Variants in PPP1R12B observed in about 807,000 individuals in gnomAD.
The protein encoded by PPP1R12B is myosin phosphatase target subunit 2.
PPP1R12B carries 76 observed loss-of-function variants against 126.1 expected under a neutral mutation model. The ratio of observed to expected loss-of-function variants is 0.60; its 90% CI spans 0.50 to 0.73. PPP1R12B has a LOEUF of 0.73. Ranked by LOEUF, PPP1R12B falls within the 30% of genes least tolerant of loss-of-function variation. The probability of loss-of-function intolerance (pLI) is 0.00; values close to 1 mark genes in which losing one functional copy is unlikely to be tolerated. For synonymous variants in PPP1R12B, 356 were observed against 434.7 expected (o/e 0.82, Z 2.25); for missense variants, 1,052 against 1,205.1 (o/e 0.87, Z 1.88).
At chr1:202,577,388 C>T (rs1689185264) in intron 23 of PPP1R12B, 1 of 152,172 alleles carries the variant, frequency 6.6e-6, no homozygotes, top group South Asian at 2.1e-4. Context: ...ATTGTTATGT[C>T]TATGGGTGCT....
chr1:202,565,399 A>T lies in PPP1R12B; in HGVS notation c.2757+852A>T, dbSNP rs1488045342. On this transcript the variant is annotated intron_variant, in intron 21 of 23. Coordinates refer to ENST00000608999, the MANE Select transcript of PPP1R12B (RefSeq NM_002481.4). The surrounding 1 kb of genome is among the most constrained non-coding windows in gnomAD (Gnocchi z 4.3). Reference sequence around the variant, plus strand: ...CTTGAAATGAAAACCAGAGGTGGCTAGTCATTCTGGCAATATGACTGGCTA... The same window carrying T: ...CTTGAAATGAAAACCAGAGGTGGCTTGTCATTCTGGCAATATGACTGGCTA... 6.6e-6 allele frequency among the ~76,000 whole-genome samples: 1 copy of T among 152,242 alleles called. No individual in the cohort carries two copies. Among genetic ancestry groups the T allele is most frequent in the Non-Finnish European group, 1.5e-5 (1 of 68,040 alleles).
chr1:202,440,380 G>A (rs1389076103), intron 10 of PPP1R12B, among the ~76,000 whole-genome samples: 1 of 152,204 alleles, frequency 6.6e-6, no homozygotes, highest in East Asian at 1.9e-4. Context: ...GAATATTAGA[G>A]TGGAGCTTTC....
intron 18 of PPP1R12B, among the ~76,000 whole-genome samples, chr1:202,541,920 A>T (rs193290700): frequency 6.6e-6 from 1 of 152,202 alleles, no homozygotes; most frequent in Non-Finnish European, 1.5e-5. Flanking sequence ...GCTTAATAAG[A>T]GACTGCTTCC....
At chr1:202,536,567 C>A (rs193006072) in intron 18 of PPP1R12B, among the ~76,000 whole-genome samples, 153 of 152,284 alleles carry the variant, frequency 1.0e-3, no homozygotes, top group African/African-American at 3.4e-3. Flanking sequence ...ACTATTAACA[C>A]TGTGCACTTA....
Position 202,348,946 on chromosome 1 carries a change from A to T in PPP1R12B, c.95A>T (p.Glu32Val). ...QLRRWRGSLT[E>V]QEPAERRGAG... ...CGGCGCTGGCGGGGCTCGCTGACAG[A>T]GCAGGAGCCTGCGGAGCGACGAGGC... The change falls in exon 1 of 24, where the codon GAG (glutamate) becomes GTG (valine). Residue 32 changes from glutamate to valine, a missense_variant. By Grantham distance (121) the Glu-to-Val change is moderately radical. Coordinates refer to ENST00000608999, the MANE Select transcript of PPP1R12B (RefSeq NM_002481.4). 2 of 1,603,926 alleles carry T rather than the reference A, an allele frequency of 1.2e-6. No individual in the cohort carries two copies. The highest frequency in any genetic ancestry group is 1.1e-5 in the South Asian group (1 of 89,632).
At chr1:202,551,350 T>G (rs1193927723) in intron 18 of PPP1R12B, among the ~76,000 whole-genome samples, 1 of 152,150 alleles carries the variant, frequency 6.6e-6, no homozygotes, top group African/African-American at 2.4e-5. Flanking sequence ...AATTTTTCCT[T>G]GGAAGTATAC....
chr1:202,395,364 A>T (rs1160315332), intron 1 of PPP1R12B, among the ~76,000 whole-genome samples: 3 of 152,164 alleles, frequency 2.0e-5, no homozygotes, highest in Admixed American at 6.6e-5. Context: ...ACTGTCTTAT[A>T]AAAATAAAAT....
chr1:202,507,090 T>G (rs1272557527), intron 18 of PPP1R12B, among the ~76,000 whole-genome samples: 1 of 152,218 alleles, frequency 6.6e-6, no homozygotes, highest in Non-Finnish European at 1.5e-5. Context: ...AGCTCATTTT[T>G]GAGGGGCAGT....
intron 18 of PPP1R12B, 90 bp downstream of exon 18, chr1:202,496,912 C>T: frequency 3.0e-6 from 4 of 1,317,016 alleles, no homozygotes; most frequent in Non-Finnish European, 4.3e-6. Context: ...AGACTTAATG[C>T]AGATTTTAGT....
intron 13 of PPP1R12B, among the ~76,000 whole-genome samples, chr1:202,457,563 AAAAAG>A (rs897332206): frequency 3.3e-5 from 5 of 152,064 alleles, no homozygotes; most frequent in African/African-American, 1.2e-4. Flanking sequence ...AAAAAAAAAA[AAAAAG>A]AAAGAAAGAA....
At chr1:202,349,457 G>C (rs1321978491) in intron 1 of PPP1R12B, among the ~76,000 whole-genome samples, 1 of 152,158 alleles carries the variant, frequency 6.6e-6, no homozygotes, top group Non-Finnish European at 1.5e-5. Context: ...CTTCACTTAT[G>C]TCTGGTTGGC....
intron 1 of PPP1R12B, among the ~76,000 whole-genome samples, chr1:202,416,387 G>A (rs573552140): frequency 6.6e-6 from 1 of 152,192 alleles, no homozygotes; most frequent in South Asian, 2.1e-4. Flanking sequence ...TGAGCCAGGT[G>A]TGGTGGCACA....
At chr1:202,412,444 C>A (rs1667519530) in intron 1 of PPP1R12B, among the ~76,000 whole-genome samples, 1 of 152,206 alleles carries the variant, frequency 6.6e-6, no homozygotes, top group Non-Finnish European at 1.5e-5. Flanking sequence ...CCGTTTGATA[C>A]CTGGACTAGC....
chr1:202,462,865 G>A, intron 13 of PPP1R12B: 1 of 985,252 alleles, frequency 1.0e-6, no homozygotes, highest in Non-Finnish European at 1.2e-6. Context: ...GTGGCAAGGT[G>A]TGTCTGAGAT....
intron 13 of PPP1R12B, among the ~76,000 whole-genome samples, chr1:202,459,294 TG>T (rs1674018331): frequency 6.6e-6 from 1 of 152,194 alleles, no homozygotes; most frequent in Non-Finnish European, 1.5e-5. Flanking sequence ...AAAGGATTAC[TG>T]TTATTATGGG....
intron 1 of PPP1R12B, among the ~76,000 whole-genome samples, chr1:202,390,144 A>G (rs1277511360): frequency 6.6e-6 from 1 of 152,214 alleles, no homozygotes; most frequent in Non-Finnish European, 1.5e-5. Context: ...AACTATGGTC[A>G]ACTGATATAT....
At chr1:202,539,830 A>G (rs749539251) in intron 18 of PPP1R12B, 17 of 187,206 alleles carry the variant, frequency 9.1e-5, no homozygotes, top group Non-Finnish European at 5.6e-5. Flanking sequence ...GAGGAGAATC[A>G]AGGACTCAAT....
chr1:202,485,435 G>T (rs989716157), intron 13 of PPP1R12B, among the ~76,000 whole-genome samples: 3 of 151,880 alleles, frequency 2.0e-5, no homozygotes, highest in African/African-American at 7.3e-5. Flanking sequence ...GGGTGCTCAA[G>T]GTGAGCTCCT....
chr1:202,496,508 A>T (rs1371808154), intron 17 of PPP1R12B, among the ~76,000 whole-genome samples: 2 of 152,260 alleles, frequency 1.3e-5, no homozygotes, highest in Non-Finnish European at 2.9e-5. Flanking sequence ...ATTGACAAAG[A>T]TGAAATTAAG....
Sources: allele counts gnomAD v4.1 joint callset (sites outside exome capture counted in the v4.1 genomes callset), GRCh38; gene constraint gnomAD v4.1.1; non-coding constraint Gnocchi (gnomAD v3.1); transcripts MANE v1.5; gene names NCBI Gene and HGNC (gene_info 2026-07-23, HGNC 2026-07-21).